NIPAL2: variants seen among roughly 807,000 people sequenced by gnomAD.
NIPAL2 encodes NIPA-like protein 2.
NIPAL2 carries 43 observed loss-of-function variants against 48.9 expected under a neutral mutation model. That is an observed-to-expected ratio of 0.88 (90% CI 0.69 to 1.13). The LOEUF is 1.13. Ranked by LOEUF, NIPAL2 falls within the 50% of genes most tolerant of loss-of-function variation. The pLI, the probability that NIPAL2 is intolerant of heterozygous loss-of-function variation, is 0.00. For synonymous variants in NIPAL2, 167 were observed against 174.6 expected (o/e 0.96, Z 0.34); for missense variants, 446 against 461.4 (o/e 0.97, Z 0.31).
intron 4 of NIPAL2, among the ~76,000 whole-genome samples, chr8:98,231,539 G>A (rs1235537180): frequency 2.0e-5 from 3 of 152,088 alleles, no homozygotes; most frequent in Non-Finnish European, 2.9e-5. Context: ...TGCTTTTGAC[G>A]TCTAAGGGAG....
chr8:98,221,052 G>A (rs1325727427), intron 5 of NIPAL2, among the ~76,000 whole-genome samples: 1 of 136,712 alleles, frequency 7.3e-6, no homozygotes, highest in African/African-American at 2.8e-5. Flanking sequence ...CTTGGCTCAC[G>A]GTAGCCTCTG....
intron 1 of NIPAL2, among the ~76,000 whole-genome samples, chr8:98,281,516 T>C (rs1234557911): frequency 6.6e-6 from 1 of 152,182 alleles, no homozygotes; most frequent in Non-Finnish European, 1.5e-5. Flanking sequence ...AACGCAATTA[T>C]AAAAGCTTGA....
chr8:98,190,648 AG>A lies in NIPAL2; in HGVS notation c.*2329del, dbSNP rs1351749445. ...TGTAAATAAAGTTTTACTGGAACAC[AG>A]CCATGCTCTTCTGTTTACATCTTGT... is the stretch of plus-strand genomic sequence containing the variant. On this transcript the variant is annotated 3_prime_UTR_variant, in exon 11 of 11. Coordinates refer to ENST00000430223, the MANE Select transcript of NIPAL2 (RefSeq NM_001321635.2). The A allele has an allele frequency of 1.3e-5, 2 of 152,246 alleles. No homozygotes were observed. Among genetic ancestry groups the A allele is most frequent in the Non-Finnish European group, 2.9e-5 (2 of 68,060 alleles). 9.4% of individuals were successfully genotyped at this position (152,246 alleles called of 1,614,324 possible).
At chr8:98,290,526 C>T (rs1387206826) in intron 1 of NIPAL2, among the ~76,000 whole-genome samples, 1 of 152,174 alleles carries the variant, frequency 6.6e-6, no homozygotes, top group African/African-American at 2.4e-5. Flanking sequence ...TATTCAACCA[C>T]ATAGCATGAG....
chr8:98,247,928 T>A (rs1813391526), intron 3 of NIPAL2, among the ~76,000 whole-genome samples: 1 of 152,220 alleles, frequency 6.6e-6, no homozygotes, highest in African/African-American at 2.4e-5. Flanking sequence ...CAAATCACAG[T>A]TGATCTGAAA....
chr8:98,245,150 C>T (rs1170066061), intron 3 of NIPAL2, among the ~76,000 whole-genome samples: 1 of 152,190 alleles, frequency 6.6e-6, no homozygotes, highest in Non-Finnish European at 1.5e-5. Context: ...ATAATGGCAA[C>T]TTTATTGTAC....
At chr8:98,239,493 A>G (rs887016288) in intron 3 of NIPAL2, among the ~76,000 whole-genome samples, 2 of 152,220 alleles carry the variant, frequency 1.3e-5, no homozygotes, top group African/African-American at 4.8e-5. Flanking sequence ...AAAAGCAAAA[A>G]GGACATGATT....
intron 1 of NIPAL2, among the ~76,000 whole-genome samples, chr8:98,262,455 CA>C (rs1456735694): frequency 1.3e-5 from 2 of 150,790 alleles, no homozygotes; most frequent in Non-Finnish European, 3.0e-5. Flanking sequence ...AAATGGAAAA[CA>C]AAAAAAGGCA....
chr8:98,267,184 T>G (rs1405749691), intron 1 of NIPAL2, among the ~76,000 whole-genome samples: 1 of 152,214 alleles, frequency 6.6e-6, no homozygotes, highest in Non-Finnish European at 1.5e-5. Context: ...GTTTTCTTAA[T>G]AGAGGGATGG....
intron 1 of NIPAL2, among the ~76,000 whole-genome samples, chr8:98,266,936 A>G (rs147808495): frequency 3.8e-4 from 58 of 152,228 alleles, no homozygotes; most frequent in African/African-American, 1.3e-3. Context: ...GTTTATCTGT[A>G]TCTAAAATGA....
intron 1 of NIPAL2, among the ~76,000 whole-genome samples, chr8:98,268,805 TTTA>T (rs1451755550): frequency 2.0e-5 from 3 of 152,210 alleles, no homozygotes; most frequent in Non-Finnish European, 4.4e-5. Flanking sequence ...TACACTGTAG[TTTA>T]TTAAGTATAG....
At chr8:98,285,869 T>G (rs1240104190) in intron 1 of NIPAL2, among the ~76,000 whole-genome samples, 2 of 152,136 alleles carry the variant, frequency 1.3e-5, no homozygotes, top group East Asian at 1.9e-4. Context: ...TCCAAGTTCC[T>G]GAAGGAGGAA....
chr8:98,271,106 G>A (rs974097218), intron 1 of NIPAL2, among the ~76,000 whole-genome samples: 1 of 152,122 alleles, frequency 6.6e-6, no homozygotes, highest in Non-Finnish European at 1.5e-5. Flanking sequence ...TAGCCTTCTA[G>A]TATAGTTTGA....
intron 4 of NIPAL2, among the ~76,000 whole-genome samples, chr8:98,227,161 G>A (rs1415508584): frequency 6.6e-6 from 1 of 152,090 alleles, no homozygotes; most frequent in Non-Finnish European, 1.5e-5. Context: ...GGGCTCTCCT[G>A]TGGTTCAAGG....
intron 8 of NIPAL2, among the ~76,000 whole-genome samples, chr8:98,198,838 GA>G (rs1810676206): frequency 2.6e-5 from 4 of 152,140 alleles, no homozygotes; most frequent in Admixed American, 2.6e-4. Context: ...GATCTGTCCA[GA>G]CCACTCAAAC....
intron 8 of NIPAL2, among the ~76,000 whole-genome samples, chr8:98,202,552 A>T (rs1193814938): frequency 1.3e-5 from 2 of 152,016 alleles, no homozygotes; most frequent in Non-Finnish European, 2.9e-5. Context: ...AGAGACTGGG[A>T]CCTACCCCTC....
At chr8:98,242,520 C>T (rs1424098979) in intron 3 of NIPAL2, among the ~76,000 whole-genome samples, 1 of 77,260 alleles carries the variant, frequency 1.3e-5, no homozygotes, top group African/African-American at 4.5e-5. Flanking sequence ...CTGAGCCTGG[C>T]TCTGTCACCC....
chr8:98,252,971 A>G (rs1035500781), intron 2 of NIPAL2, among the ~76,000 whole-genome samples: 5 of 152,028 alleles, frequency 3.3e-5, no homozygotes, highest in African/African-American at 1.2e-4. Flanking sequence ...TAGCAGGATG[A>G]AATCTCTTGC....
chr8:98,233,643 T>C (rs1382494851), intron 4 of NIPAL2, among the ~76,000 whole-genome samples: 1 of 152,190 alleles, frequency 6.6e-6, no homozygotes, highest in Non-Finnish European at 1.5e-5. Context: ...TTTAGATCCT[T>C]TAATGTTGAG....
Sources: gnomAD v4.1 joint callset for allele counts (sites outside exome capture counted in the v4.1 genomes callset) on GRCh38, gnomAD v4.1.1 for gene constraint, MANE v1.5 for transcripts, NCBI Gene and HGNC (gene_info 2026-07-23, HGNC 2026-07-21) for gene names.